ZNF98: variants seen among roughly 807,000 people sequenced by gnomAD.
ZNF98 encodes zinc finger protein 739.
A neutral mutation model predicts 12.8 loss-of-function variants in ZNF98; 8 were observed. The ratio of observed to expected loss-of-function variants is 0.63; its 90% CI spans 0.37 to 1.13. ZNF98 has a LOEUF of 1.13. Among genes scored for constraint, ZNF98 ranks in the 50% most tolerant of loss-of-function variants. The probability of loss-of-function intolerance (pLI) is 0.01; values close to 1 mark genes in which losing one functional copy is unlikely to be tolerated. For synonymous variants in ZNF98, 112 were observed against 223.5 expected (o/e 0.50, Z 4.45); for missense variants, 379 against 666.1 (o/e 0.57, Z 4.74).
chr19:22,409,905 C>T, intron 1 of ZNF98, among the ~76,000 whole-genome samples: 1 of 100,926 alleles, frequency 9.9e-6, no homozygotes, highest in Middle Eastern at 6.3e-3. Flanking sequence ...GAACGAGACT[C>T]TATCTCACAA....
rs750275626 is a variant in ZNF98, at chr19:22,422,271, C to A, written c.-47G>T. ...CCTGCAGGTCACAGGGCCACAGAGG[C>A]TGGGCCTCTACGAGCAGAGGACACA... On this transcript the variant is annotated 5_prime_UTR_variant, in exon 1 of 4. Coordinates refer to ENST00000357774, the MANE Select transcript of ZNF98 (RefSeq NM_001098626.2). 2.9e-5 allele frequency: 47 copies of A among 1,607,134 alleles called. No individual in the cohort carries two copies. Among genetic ancestry groups the A allele is most frequent in the Non-Finnish European group, 3.7e-5 (43 of 1,175,248 alleles).
At chr19:22,395,869 G>GT (rs777068783) in intron 3 of ZNF98, among the ~76,000 whole-genome samples, 4 of 95,402 alleles carry the variant, frequency 4.2e-5, no homozygotes, top group Non-Finnish European at 7.8e-5. Flanking sequence ...AAAGTCCTGA[G>GT]GGGGGGGAAA....
intron 3 of ZNF98, among the ~76,000 whole-genome samples, chr19:22,399,459 T>C (rs1293776506): frequency 5.3e-5 from 8 of 152,148 alleles, no homozygotes; most frequent in South Asian, 2.1e-4. Flanking sequence ...CATTGCTAAA[T>C]AAAGAAAAAA....
At chr19:22,412,218 A>T (rs1380423418) in intron 1 of ZNF98, among the ~76,000 whole-genome samples, 6 of 152,204 alleles carry the variant, frequency 3.9e-5, no homozygotes, top group Admixed American at 6.5e-5. Flanking sequence ...AATTATATGA[A>T]CCACACACAG....
intron 3 of ZNF98, chr19:22,402,241 C>CT (rs1018736416): frequency 2.3e-5 from 4 of 173,672 alleles, no homozygotes; most frequent in African/African-American, 1.1e-4. Flanking sequence ...TTACAATAAA[C>CT]TTTGAATAGC....
chr19:22,406,626 G>T (rs944825911), intron 1 of ZNF98, among the ~76,000 whole-genome samples: 4 of 151,990 alleles, frequency 2.6e-5, no homozygotes, highest in Admixed American at 6.6e-5. Flanking sequence ...GACCATCCTG[G>T]CTAACACGGT....
chr19:22,398,477 C>T (rs1463076577), intron 3 of ZNF98, among the ~76,000 whole-genome samples: 1 of 151,430 alleles, frequency 6.6e-6, no homozygotes. Flanking sequence ...GTAATCCTCC[C>T]TCCTCAATCT....
intron 1 of ZNF98, among the ~76,000 whole-genome samples, chr19:22,412,921 C>T (rs1463202303): frequency 1.3e-5 from 2 of 151,742 alleles, no homozygotes; most frequent in East Asian, 1.9e-4. Context: ...GGCGTGGTGG[C>T]GGGTGCCTGT....
chr19:22,398,363 G>A (rs571313255), intron 3 of ZNF98, among the ~76,000 whole-genome samples: 4 of 151,570 alleles, frequency 2.6e-5, no homozygotes, highest in African/African-American at 9.7e-5. Context: ...TACTTAACAT[G>A]CCTGAAATGT....
At chr19:22,410,422 A>G (rs1969568370) in intron 1 of ZNF98, among the ~76,000 whole-genome samples, 2 of 152,242 alleles carry the variant, frequency 1.3e-5, no homozygotes, top group Admixed American at 1.3e-4. Context: ...ATGCAGCCAT[A>G]CAAAGAAATG....
intron 1 of ZNF98, among the ~76,000 whole-genome samples, chr19:22,406,768 G>C (rs1231575238): frequency 4.0e-5 from 6 of 151,518 alleles, no homozygotes; most frequent in Middle Eastern, 3.2e-3. Context: ...AGTGAGCTGA[G>C]ATCGCGCCAC....
chr19:22,396,230 CAT>C (rs770887340), intron 3 of ZNF98, among the ~76,000 whole-genome samples: 2 of 151,936 alleles, frequency 1.3e-5, no homozygotes, highest in Non-Finnish European at 2.9e-5. Flanking sequence ...AATGTAAAAA[CAT>C]AATTAGCAAC....
chr19:22,403,535 T>C, intron 1 of ZNF98, 23 bp from the exon 2 acceptor site: 1 of 1,573,678 alleles, frequency 6.4e-7, no homozygotes, highest in Non-Finnish European at 8.6e-7. Context: ...CAAACACACA[T>C]ACATATTTAC....
At chr19:22,416,791 G>A (rs1568296905) in intron 1 of ZNF98, among the ~76,000 whole-genome samples, 1 of 151,820 alleles carries the variant, frequency 6.6e-6, no homozygotes, top group Non-Finnish European at 1.5e-5. Context: ...TCATAAAATA[G>A]TGTGTGGCCG....
At chr19:22,411,439 T>C (rs1005028531) in intron 1 of ZNF98, among the ~76,000 whole-genome samples, 2 of 152,248 alleles carry the variant, frequency 1.3e-5, no homozygotes, top group Non-Finnish European at 2.9e-5. Context: ...TTTATCATTC[T>C]GTATTGTTAA....
chr19:22,399,284 A>G (rs907743177), intron 3 of ZNF98, among the ~76,000 whole-genome samples: 1 of 152,186 alleles, frequency 6.6e-6, no homozygotes, highest in African/African-American at 2.4e-5. Flanking sequence ...TAATGCAGTA[A>G]AAGTTTCAGA....
chr19:22,400,931 C>T (rs1247795712), intron 3 of ZNF98, among the ~76,000 whole-genome samples: 1 of 132,246 alleles, frequency 7.6e-6, no homozygotes, highest in Non-Finnish European at 1.6e-5. Flanking sequence ...CCAGTCTCAG[C>T]GACAGAGTGA....
chr19:22,422,145 T>C lies in ZNF98; in HGVS notation c.30+50A>G, dbSNP rs753921619. 3.7e-6 allele frequency: 6 copies of C among 1,611,214 alleles called. No individual in the cohort carries two copies. In the African/African-American group the frequency reaches 4.0e-5, roughly 11 times the overall value. On this transcript the variant is annotated intron_variant, in intron 1 of 3. Transcript: ENST00000357774. ...CCCGCCACAGCCTCTTCCCACCGGT[T>C]CCAACCAGCCCCTTCTCCTCTCTAG... is the stretch of plus-strand genomic sequence containing the variant.
chr19:22,411,679 GAA>G (rs907980207), intron 1 of ZNF98, among the ~76,000 whole-genome samples: 10 of 152,294 alleles, frequency 6.6e-5, no homozygotes, highest in African/African-American at 2.2e-4. Flanking sequence ...AAAAAGCAGA[GAA>G]AAATATCTAC....
Sources: allele counts gnomAD v4.1 joint callset (sites outside exome capture counted in the v4.1 genomes callset), GRCh38; gene constraint gnomAD v4.1.1; transcripts MANE v1.5; gene names NCBI Gene and HGNC (gene_info 2026-07-23, HGNC 2026-07-21).